The following SEC62 variants were observed in gnomAD, a reference collection of about 807,000 sequenced individuals.
SEC62 encodes SEC62 preprotein translocation factor.
In SEC62, 10 loss-of-function variants were observed where a neutral mutation model predicts 47.5. The observed-to-expected ratio is 0.21, with a 90% confidence interval of 0.13 to 0.36. The LOEUF (loss-of-function observed/expected upper bound fraction) is 0.36. SEC62 is among the 10% of genes least tolerant of loss of function. The pLI is 1.00. For missense variants in SEC62, 327 were observed against 464.1 expected (o/e 0.70, Z 2.71); for synonymous variants, 136 against 150.5 (o/e 0.90, Z 0.71).
intron 3 of SEC62, among the ~76,000 whole-genome samples, chr3:169,979,244 T>A (rs1201099477): frequency 6.6e-6 from 1 of 152,208 alleles, no homozygotes; most frequent in East Asian, 1.9e-4. Context: ...TAGAGTCTTA[T>A]TGGCCAGTTC....
At chr3:169,988,112 A>G in intron 6 of SEC62, 128 bp from the exon 7 acceptor site, 1 of 1,004,726 alleles carries the variant, frequency 1.0e-6, no homozygotes. Context: ...TACCTATAAA[A>G]ATGGCAATTT....
rs12630779 is a variant in SEC62, at chr3:169,981,395, A to T, written c.252-1312A>T. 3.3e-4 allele frequency among the ~76,000 whole-genome samples: 51 copies of T among 152,334 alleles called. 1 individual carries two copies. The East Asian group carries it at 9.6e-3, about 29-fold the overall frequency. On this transcript the variant is annotated intron_variant, in intron 3 of 7. Transcript: ENST00000337002. The stretch of plus-strand genomic sequence containing the variant: ...CTTCAGGGGACTGAACACAGTGACA[A>T]AAAGAAGTGGTTATCTGGGCAGGAA...
intron 3 of SEC62, among the ~76,000 whole-genome samples, chr3:169,979,142 C>T (rs537176906): frequency 1.3e-3 from 205 of 152,238 alleles, no homozygotes; most frequent in Non-Finnish European, 2.1e-3. Flanking sequence ...ACGCTCTTCC[C>T]ACTGATGTCA....
intron 3 of SEC62, among the ~76,000 whole-genome samples, chr3:169,980,912 G>A (rs1337542407): frequency 6.6e-6 from 1 of 152,060 alleles, no homozygotes; most frequent in Non-Finnish European, 1.5e-5. Context: ...TTTTCATTTG[G>A]AGTGGAAATA....
Position 169,992,813 on chromosome 3 carries a change from A to T in SEC62, c.950A>T (p.Lys317Ile). ...SDSEEKSDSE[K>I]KEDEEGKVGP... ...AGTGAGGAAAAGTCAGACAGTGAGA[A>T]AAAGGAAGATGAGGAGGGGAAAGTA... is the stretch of plus-strand genomic sequence containing the variant. Residue 317 changes from lysine (K) to isoleucine (I), a missense_variant, in exon 8 of 8, where the codon AAA becomes ATA. This residue lies in a region of SEC62 where 102 missense variants were observed against 108.8 expected (regional missense o/e 0.94). Coordinates refer to ENST00000337002, the MANE Select transcript of SEC62 (RefSeq NM_003262.4). The surrounding 1 kb of genome is among the most constrained non-coding windows in gnomAD (Gnocchi z 4.0). 6.2e-7 allele frequency: 1 copy of T among 1,614,174 alleles called. No individual in the cohort carries two copies. Among genetic ancestry groups the T allele is most frequent in the South Asian group, 1.1e-5 (1 of 91,084 alleles).
chr3:169,977,516 T>C (rs1261964853), intron 3 of SEC62, among the ~76,000 whole-genome samples: 2 of 152,182 alleles, frequency 1.3e-5, no homozygotes, highest in Non-Finnish European at 2.9e-5. Flanking sequence ...TCAAGGAAGC[T>C]GCAACATCTA....
At chr3:169,970,957 T>C (rs1226779745) in intron 1 of SEC62, among the ~76,000 whole-genome samples, 1 of 152,156 alleles carries the variant, frequency 6.6e-6, no homozygotes, top group Non-Finnish European at 1.5e-5. Context: ...GGTAAAACTT[T>C]TATACCTTCT....
chr3:169,988,277 G>A lies in SEC62; in HGVS notation c.648G>A (p.Trp216Ter). The change falls in exon 7 of 8, where the codon TGG (tryptophan) becomes TGA (stop). Residue 216 changes from tryptophan to a stop codon, truncating the protein, a stop_gained. Coordinates refer to ENST00000337002, the MANE Select transcript of SEC62 (RefSeq NM_003262.4). LOFTEE classifies it high-confidence loss of function. ...TAGCGGCCACCCTCTTCCCCCTTTGGCCAGCAGAAATGAGAGTAGGTGTTT... is the reference window on the plus strand; with the variant it reads ...TAGCGGCCACCCTCTTCCCCCTTTGACCAGCAGAAATGAGAGTAGGTGTTT... ...AVIAATLFPL[W>*]PAEMRVGVYY... is the part of the protein sequence containing the mutation. The A allele has an allele frequency of 6.2e-7, 1 of 1,613,848 alleles. No individual in the cohort carries two copies. Among genetic ancestry groups the A allele is most frequent in the Non-Finnish European group, 8.5e-7 (1 of 1,179,864 alleles).
chr3:169,971,413 A>C (rs149694195), intron 1 of SEC62, among the ~76,000 whole-genome samples: 226 of 152,316 alleles, frequency 1.5e-3, no homozygotes, highest in Non-Finnish European at 2.5e-3. Context: ...TTCTGGCTTC[A>C]ACGCCAAAGC....
intron 2 of SEC62, 38 bp downstream of exon 2, chr3:169,975,754 T>C (rs778055643): frequency 7.3e-7 from 1 of 1,374,874 alleles, no homozygotes; most frequent in Non-Finnish European, 1.0e-6. Context: ...AGTGTACATA[T>C]GTTATGAAGT....
At position 169,994,391 on chromosome 3, in the gene SEC62, T is replaced by G. The variant is rs1715324875; in HGVS notation, c.*1328T>G. ...GGTTGAAATAGGTAGTGTATGTCAG[T>G]CTTTGCTTTAGGCTGTTTCTCATCT... On this transcript the variant is annotated 3_prime_UTR_variant, in exon 8 of 8. Transcript: ENST00000337002. 6.6e-6 allele frequency: 1 copy of G among 152,654 alleles called. No homozygotes were observed. The highest frequency in any genetic ancestry group is 1.5e-5 in the Non-Finnish European group (1 of 68,032). The allele number at this position is 152,654 out of a possible 1,614,324, so 9.5% of individuals were successfully genotyped here.
At chr3:169,967,220 G>T (rs1213498058) in intron 1 of SEC62, among the ~76,000 whole-genome samples, 1 of 152,172 alleles carries the variant, frequency 6.6e-6, no homozygotes, top group African/African-American at 2.4e-5. Flanking sequence ...CCCTTCCCGG[G>T]GCTCCTCCCC....
Position 169,982,616 on chromosome 3 carries a change from T to C in SEC62, c.252-91T>C, listed in dbSNP as rs576588144. ...TCTCTTGTGTTGCTAATTTATGCCT[T>C]CCTTTGCTTATTTTATTCAGGTCTT... is the stretch of plus-strand genomic sequence containing the variant. On this transcript the variant is annotated intron_variant, in intron 3 of 7. Transcript: ENST00000337002. 3 of 1,479,132 alleles carry C rather than the reference T, an allele frequency of 2.0e-6. No homozygotes were observed. The African/African-American group carries it at 4.2e-5, about 21-fold the overall frequency. 91.6% of individuals were successfully genotyped at this position (1,479,132 alleles called of 1,614,324 possible). A position where few individuals can be genotyped will look rare whatever the true frequency, so the allele number is the denominator to read the frequency against.
intron 1 of SEC62, 100 bp from the exon 2 acceptor site, chr3:169,975,508 T>A: frequency 1.3e-6 from 1 of 769,856 alleles, no homozygotes; most frequent in Non-Finnish European, 2.1e-6. Context: ...AGGCCTGTAC[T>A]CCACTTGAAA....
In SEC62 at chr3:169,996,693, G is replaced by GCCTTAGCAGCCAAAGGT. The variant is rs1193063104; in HGVS notation, c.*3632_*3648dup. 3.3e-5 allele frequency: 5 copies of GCCTTAGCAGCCAAAGGT among 152,404 alleles called. No homozygotes were observed. Among genetic ancestry groups the GCCTTAGCAGCCAAAGGT allele is most frequent in the South Asian group, 2.1e-4 (1 of 4,836 alleles). The allele number at this position is 152,404 out of a possible 1,614,324, so 9.4% of individuals were successfully genotyped here. A position where few individuals can be genotyped will look rare whatever the true frequency, so the allele number is the denominator to read the frequency against. On this transcript the variant is annotated 3_prime_UTR_variant, in exon 8 of 8. Coordinates refer to ENST00000337002, the MANE Select transcript of SEC62 (RefSeq NM_003262.4). ...GCTCTTCTCCTGGGGTTGGGGGGCT[G>GCCTTAGCAGCCAAAGGT]CCTTAGCAGCCAAAGGTCACTTCTC...
intron 6 of SEC62, among the ~76,000 whole-genome samples, chr3:169,987,409 ACT>A (rs377168186): frequency 2.6e-5 from 4 of 152,202 alleles, no homozygotes; most frequent in East Asian, 3.9e-4. Flanking sequence ...ACAGAGTAAG[ACT>A]CTGTTTCAGA....
chr3:169,984,414 A>C (rs1379905183), intron 5 of SEC62, among the ~76,000 whole-genome samples: 1 of 152,222 alleles, frequency 6.6e-6, no homozygotes, highest in African/African-American at 2.4e-5. Context: ...TGAAAGCACC[A>C]GGTAGGAATA....
At chr3:169,987,778 A>C (rs1312385761) in intron 6 of SEC62, among the ~76,000 whole-genome samples, 1 of 152,232 alleles carries the variant, frequency 6.6e-6, no homozygotes, top group East Asian at 1.9e-4. Context: ...CACCTGGGGA[A>C]TCTTTCAGTC....
intron 2 of SEC62, among the ~76,000 whole-genome samples, chr3:169,976,624 A>G (rs923236339): frequency 6.6e-6 from 1 of 152,360 alleles, no homozygotes; most frequent in South Asian, 2.1e-4. Context: ...TGGTTTATCT[A>G]CATATGCTTG....
Sources: allele counts gnomAD v4.1 joint callset (sites outside exome capture counted in the v4.1 genomes callset), GRCh38; gene constraint gnomAD v4.1.1; regional missense constraint gnomAD v4.1.1; non-coding constraint Gnocchi (gnomAD v3.1); transcripts MANE v1.5; gene names NCBI Gene and HGNC (gene_info 2026-07-23, HGNC 2026-07-21).